PCDHA4: variants seen among roughly 807,000 people sequenced by gnomAD.
The protein encoded by PCDHA4 is protocadherin alpha-4.
A neutral mutation model predicts 61.4 loss-of-function variants in PCDHA4; 49 were observed. The observed-to-expected ratio is 0.80, with a 90% CI of 0.63 to 1.01. The LOEUF (loss-of-function observed/expected upper bound fraction) is 1.01. Among genes scored for constraint, PCDHA4 ranks in the 50% least tolerant of loss-of-function variants. The pLI is 0.00. For missense variants in PCDHA4, 1,254 were observed against 1,235.8 expected, an observed-to-expected ratio of 1.01 and a Z score of -0.22; for synonymous variants, 590 against 550.3, an observed-to-expected ratio of 1.07 and a Z score of -1.01.
intron 1 of PCDHA4, chr5:140,870,549 C>T: frequency 2.5e-6 from 4 of 1,614,062 alleles, no homozygotes; most frequent in Non-Finnish European, 3.4e-6. Context: ...GGGACGCGGA[C>T]GCGCAGGAGA....
intron 3 of PCDHA4, 39 bp from the exon 4 acceptor site, chr5:141,009,588 G>A: frequency 6.3e-7 from 1 of 1,598,586 alleles, no homozygotes; most frequent in Non-Finnish European, 8.5e-7. Context: ...AAGAGCATGT[G>A]TTGACCCTGT....
intron 1 of PCDHA4, chr5:140,883,223 T>C: frequency 6.2e-7 from 1 of 1,613,922 alleles, no homozygotes; most frequent in Non-Finnish European, 8.5e-7. Flanking sequence ...ATATGAAATA[T>C]CCGTGGAGGC....
chr5:140,855,039 TG>T lies in PCDHA4; in HGVS notation c.2385+45468del, dbSNP rs1451069015. ...AAACTTCTTGTATAAAGGATTTTTC[TG>T]TAATAGTACTTTTCTGTTTTCTTAA... On this transcript the variant is annotated intron_variant, in intron 1 of 3. Transcript: ENST00000530339. Among the ~76,000 whole-genome samples, 12 of 150,016 alleles carry T rather than the reference TG, an allele frequency of 8.0e-5. 1 individual carries two copies. Among genetic ancestry groups the T allele is most frequent in the African/African-American group, 2.9e-4 (12 of 40,938 alleles).
intron 1 of PCDHA4, chr5:140,843,360 C>T (rs2150358233): frequency 3.1e-6 from 5 of 1,595,970 alleles, no homozygotes; most frequent in East Asian, 2.2e-5. Context: ...AAAGCGTCAT[C>T]GAGGCAGTCG....
At chr5:140,956,788 G>T (rs2095310590) in intron 1 of PCDHA4, among the ~76,000 whole-genome samples, 1 of 152,094 alleles carries the variant, frequency 6.6e-6, no homozygotes, top group African/African-American at 2.4e-5. Flanking sequence ...GGCTTTGTTT[G>T]CTTGGTGGGC....
In PCDHA4 at chr5:140,836,627, G is replaced by A. The variant is rs1580852478; in HGVS notation, c.2385+27055G>A. 7 of 1,613,588 alleles carry A rather than the reference G, an allele frequency of 4.3e-6. No individual in the cohort carries two copies. In the East Asian group the frequency reaches 1.3e-4, roughly 31 times the overall value. On this transcript the variant is annotated intron_variant, in intron 1 of 3. Coordinates refer to ENST00000530339, the MANE Select transcript of PCDHA4 (RefSeq NM_018907.4). ...TGTGCTCCAGCGCGGTGGGGAGCTG[G>A]TCATTCTCCCAGCAGAGGCGGCAGA...
At chr5:140,996,836 C>T (rs1247616398) in intron 3 of PCDHA4, among the ~76,000 whole-genome samples, 43 of 152,096 alleles carry the variant, frequency 2.8e-4, no homozygotes, top group African/African-American at 1.0e-3. Flanking sequence ...AATAATTTAG[C>T]GTGCATCTTC....
At chr5:140,834,207 T>C in intron 1 of PCDHA4, 1 of 628,528 alleles carries the variant, frequency 1.6e-6, no homozygotes, top group Non-Finnish European at 2.7e-6. Flanking sequence ...CCGCAAATTC[T>C]TTCGTAATCA....
At chr5:140,976,742 AC>A (rs1170747899) in intron 1 of PCDHA4, among the ~76,000 whole-genome samples, 1 of 151,778 alleles carries the variant, frequency 6.6e-6, no homozygotes, top group Admixed American at 6.6e-5. Context: ...CATTTTAAAA[AC>A]CTCCCAGATG....
intron 1 of PCDHA4, among the ~76,000 whole-genome samples, chr5:140,894,254 A>G (rs566555133): frequency 6.6e-6 from 1 of 152,128 alleles, no homozygotes; most frequent in Admixed American, 6.5e-5. Flanking sequence ...TCTTTTCTTT[A>G]CAAGTGGTAG....
At position 140,946,611 on chromosome 5, in the gene PCDHA4, A is replaced by AATATATAT. The variant is rs1554217734; in HGVS notation, c.2386-32324_2386-32317dup. Among the ~76,000 whole-genome samples, 282 of 86,744 alleles carry AATATATAT rather than the reference A, an allele frequency of 3.3e-3. 10 individuals carry two copies. Among genetic ancestry groups the AATATATAT allele is most frequent in the African/African-American group, 0.015 (234 of 15,690 alleles). The allele number at this position is 86,744 out of a possible 152,430, so 56.9% of individuals were successfully genotyped here. A position where few individuals can be genotyped will look rare whatever the true frequency, so the allele number is the denominator to read the frequency against. Reference sequence around the variant, plus strand: ...GGATGAATAGATAAAGAAAATGTGAAATATATATATATATATATATACAAT... The same window carrying AATATATAT: ...GGATGAATAGATAAAGAAAATGTGAAATATATATATATATATATATATATATATACAAT... On this transcript the variant is annotated intron_variant, in intron 1 of 3. Coordinates refer to ENST00000530339, the MANE Select transcript of PCDHA4 (RefSeq NM_018907.4).
At chr5:140,832,622 T>A (rs2150202867) in intron 1 of PCDHA4, among the ~76,000 whole-genome samples, 13 of 152,136 alleles carry the variant, frequency 8.5e-5, no homozygotes, top group African/African-American at 3.1e-4. Flanking sequence ...AAATGTTTTT[T>A]AAAAAGTTCC....
intron 1 of PCDHA4, among the ~76,000 whole-genome samples, chr5:140,907,240 A>G (rs563432322): frequency 5.3e-5 from 8 of 152,310 alleles, no homozygotes; most frequent in Admixed American, 5.2e-4. Context: ...CCTAGTTGAC[A>G]TTGTAATTGT....
At chr5:140,931,260 T>C (rs576177407) in intron 1 of PCDHA4, among the ~76,000 whole-genome samples, 104 of 152,274 alleles carry the variant, frequency 6.8e-4, no homozygotes, top group East Asian at 3.1e-3. Flanking sequence ...GAAATTTCAC[T>C]ATTTATTTCT....
At chr5:140,918,853 C>T (rs1348069562) in intron 1 of PCDHA4, among the ~76,000 whole-genome samples, 4 of 152,134 alleles carry the variant, frequency 2.6e-5, no homozygotes, top group Non-Finnish European at 5.9e-5. Context: ...CTGCTGGTGC[C>T]TGAATCATGA....
At chr5:140,909,634 T>G (rs2074616296) in intron 1 of PCDHA4, among the ~76,000 whole-genome samples, 1 of 152,176 alleles carries the variant, frequency 6.6e-6, no homozygotes, top group Non-Finnish European at 1.5e-5. Flanking sequence ...GTCTTCCTAT[T>G]TTGTCTTTTC....
chr5:140,857,468 T>C lies in PCDHA4; in HGVS notation c.2385+47896T>C. The C allele has an allele frequency of 1.3e-6, 2 of 1,598,520 alleles. 1 individual carries two copies. Among genetic ancestry groups the C allele is most frequent in the Non-Finnish European group, 1.7e-6 (2 of 1,167,858 alleles). The stretch of plus-strand genomic sequence containing the variant: ...GAACAACCCGCCAGGCTGCCACATC[T>C]TCACGGTGTCTGCGTGGGACGCGGA... On this transcript the variant is annotated intron_variant, in intron 1 of 3. Transcript: ENST00000530339.
chr5:140,832,284 T>C (rs1771894843), intron 1 of PCDHA4, among the ~76,000 whole-genome samples: 1 of 152,202 alleles, frequency 6.6e-6, no homozygotes, highest in Non-Finnish European at 1.5e-5. Context: ...TAAGCATGAA[T>C]GGTGTATTTG....
chr5:140,850,473 A>T lies in PCDHA4; in HGVS notation c.2385+40901A>T, dbSNP rs1320071862. 8.8e-6 allele frequency: 14 copies of T among 1,597,572 alleles called. 1 individual carries two copies. The highest frequency in any genetic ancestry group is 1.2e-5 in the Non-Finnish European group (14 of 1,167,568). On this transcript the variant is annotated intron_variant, in intron 1 of 3. Transcript: ENST00000530339. ...GAAAGACCACGGGGAGCCAGCGCTGACGGCCACGGCCACTGTGCTGGTGTC... is the reference window on the plus strand; with the variant it reads ...GAAAGACCACGGGGAGCCAGCGCTGTCGGCCACGGCCACTGTGCTGGTGTC...
Sources: gnomAD v4.1 joint callset for allele counts (sites outside exome capture counted in the v4.1 genomes callset) on GRCh38, gnomAD v4.1.1 for gene constraint, MANE v1.5 for transcripts, NCBI Gene and HGNC (gene_info 2026-07-23, HGNC 2026-07-21) for gene names.